Variants in SLIT3 observed in about 807,000 individuals in gnomAD.
SLIT3 encodes slit guidance ligand 3, also known as slit homolog 3 protein.
A neutral mutation model predicts 184.0 loss-of-function variants in SLIT3; 68 were observed. The ratio of observed to expected loss-of-function variants is 0.37; its 90% CI spans 0.30 to 0.45. The LOEUF (loss-of-function observed/expected upper bound fraction) is 0.45. Ranked by LOEUF, SLIT3 falls within the 20% of genes least tolerant of loss-of-function variation. The pLI, the probability that SLIT3 is intolerant of heterozygous loss-of-function variation, is 1.00. For synonymous variants in SLIT3, 831 were observed against 828.6 expected (o/e 1.00, Z -0.05); for missense variants, 1,707 against 2,026.0 (o/e 0.84, Z 3.02).
In SLIT3 at chr5:168,761,075, C is replaced by T. The variant is rs968684468; in HGVS notation, c.1611-139G>A. 4.3e-5 allele frequency: 29 copies of T among 674,540 alleles called. No homozygotes were observed. The Admixed American group carries it at 6.3e-4, about 15-fold the overall frequency. The allele number at this position is 674,540 out of a possible 1,614,324, so 41.8% of individuals were successfully genotyped here. ...AGCCATCGGAAGCTTTGACATCAGT[C>T]CCATCAACAGAGGGGCCCAGCAGTT... is the stretch of plus-strand genomic sequence containing the variant. On this transcript the variant is annotated intron_variant, in intron 15 of 35. Coordinates refer to ENST00000519560, the MANE Select transcript of SLIT3 (RefSeq NM_003062.4).
At chr5:169,274,014 C>T (rs1046422262) in intron 1 of SLIT3, among the ~76,000 whole-genome samples, 2 of 152,210 alleles carry the variant, frequency 1.3e-5, no homozygotes, top group African/African-American at 4.8e-5. Context: ...AAGGCAGAAT[C>T]CCTATCTTCA....
chr5:169,220,258 C>T (rs994699791), intron 3 of SLIT3, among the ~76,000 whole-genome samples: 1 of 150,724 alleles, frequency 6.6e-6, no homozygotes, highest in Admixed American at 6.6e-5. Flanking sequence ...ATACTAAAAT[C>T]AACTCACTTG....
At chr5:169,015,055 T>G (rs985427069) in intron 4 of SLIT3, among the ~76,000 whole-genome samples, 1 of 151,496 alleles carries the variant, frequency 6.6e-6, no homozygotes, top group Non-Finnish European at 1.5e-5. Context: ...TTGTCATTGA[T>G]AAGGGCTATC....
chr5:169,223,600 A>G (rs913259872), intron 3 of SLIT3, among the ~76,000 whole-genome samples: 2 of 152,222 alleles, frequency 1.3e-5, no homozygotes, highest in Non-Finnish European at 1.5e-5. Flanking sequence ...CCAAGTGCAA[A>G]GGCAGGGCTC....
chr5:169,007,886 C>T (rs749922132), intron 4 of SLIT3, among the ~76,000 whole-genome samples: 14 of 152,176 alleles, frequency 9.2e-5, no homozygotes, highest in Non-Finnish European at 1.8e-4. Context: ...ATTAATCTTC[C>T]CTGTGAATTT....
At chr5:169,234,528 T>C (rs1765125730) in intron 3 of SLIT3, among the ~76,000 whole-genome samples, 1 of 152,176 alleles carries the variant, frequency 6.6e-6, no homozygotes, top group South Asian at 2.1e-4. Flanking sequence ...AGCCTCAGCC[T>C]GAGTAGCTGG....
At chr5:168,715,831 CCTAT>C (rs770507506) in intron 23 of SLIT3, among the ~76,000 whole-genome samples, 2 of 151,868 alleles carry the variant, frequency 1.3e-5, no homozygotes, top group Non-Finnish European at 2.9e-5. Flanking sequence ...CACCACCAGG[CCTAT>C]CTAATTTTGT....
At chr5:169,292,040 G>A (rs931050682) in intron 1 of SLIT3, among the ~76,000 whole-genome samples, 9 of 152,160 alleles carry the variant, frequency 5.9e-5, no homozygotes, top group Admixed American at 3.3e-4. Context: ...TGTTGTTGTC[G>A]TTTACAGAGG....
chr5:169,019,370 C>G (rs1339749846), intron 4 of SLIT3, among the ~76,000 whole-genome samples: 3 of 152,198 alleles, frequency 2.0e-5, no homozygotes, highest in African/African-American at 7.2e-5. Flanking sequence ...CACCACAGCA[C>G]AAGTTGCTAG....
intron 4 of SLIT3, among the ~76,000 whole-genome samples, chr5:169,067,363 A>G (rs1230220155): frequency 1.3e-5 from 2 of 152,142 alleles, no homozygotes; most frequent in African/African-American, 4.8e-5. Flanking sequence ...CAGAGATCAC[A>G]CCATTGCACT....
chr5:168,919,566 A>G (rs551491435), intron 4 of SLIT3, among the ~76,000 whole-genome samples: 4 of 152,240 alleles, frequency 2.6e-5, no homozygotes, highest in African/African-American at 9.6e-5. Flanking sequence ...GCTTTTAATA[A>G]TGGCTACCTC....
intron 7 of SLIT3, 131 bp downstream of exon 7, chr5:168,823,129 G>T: frequency 1.2e-6 from 1 of 800,828 alleles, no homozygotes; most frequent in Non-Finnish European, 2.2e-6. Context: ...GTTAATAGCA[G>T]AAGGAGGAAT....
Position 168,671,065 on chromosome 5 carries a change from C to A in SLIT3, c.4127+133G>T, listed in dbSNP as rs780569690. 5 of 1,008,942 alleles carry A rather than the reference C, an allele frequency of 5.0e-6. No homozygotes were observed. In the African/African-American group the frequency reaches 8.0e-5, roughly 16 times the overall value. 62.5% of individuals were successfully genotyped at this position (1,008,942 alleles called of 1,614,324 possible). On this transcript the variant is annotated intron_variant, in intron 34 of 35. Transcript: ENST00000519560. ...AGCCTCTTGACCTCTTAAGCAGTTA[C>A]ACTTACACAGATCCTATCTGCGGTC...
chr5:169,204,608 G>A (rs1278063776), intron 3 of SLIT3, among the ~76,000 whole-genome samples: 1 of 152,170 alleles, frequency 6.6e-6, no homozygotes, highest in Non-Finnish European at 1.5e-5. Flanking sequence ...AGTGCAAAGG[G>A]ATGGCAGTGG....
intron 31 of SLIT3, 51 bp from the exon 32 acceptor site, chr5:168,684,147 CT>C: frequency 6.8e-7 from 1 of 1,465,000 alleles, no homozygotes; most frequent in South Asian, 1.5e-5. Context: ...GAGACTGAAC[CT>C]TCCCTGCCCA....
intron 5 of SLIT3, among the ~76,000 whole-genome samples, chr5:168,862,008 C>T (rs1365108008): frequency 1.3e-5 from 2 of 152,182 alleles, no homozygotes; most frequent in Admixed American, 6.5e-5. Flanking sequence ...AACTACAAGA[C>T]ACCAACACTG....
chr5:169,219,856 G>A (rs1764565003), intron 3 of SLIT3, among the ~76,000 whole-genome samples: 1 of 152,178 alleles, frequency 6.6e-6, no homozygotes, highest in South Asian at 2.1e-4. Flanking sequence ...TCCTTGAGTG[G>A]CTTTTCCTTC....
At chr5:169,094,986 G>A (rs1759726328) in intron 4 of SLIT3, among the ~76,000 whole-genome samples, 1 of 152,204 alleles carries the variant, frequency 6.6e-6, no homozygotes, top group Non-Finnish European at 1.5e-5. Flanking sequence ...GATGGCTCAT[G>A]ACTCACGGTC....
At chr5:169,020,338 T>C (rs893004949) in intron 4 of SLIT3, among the ~76,000 whole-genome samples, 3 of 152,136 alleles carry the variant, frequency 2.0e-5, no homozygotes, top group Non-Finnish European at 4.4e-5. Flanking sequence ...GGAGAGGAAA[T>C]TGGCCTGGCT....
Sources: allele counts gnomAD v4.1 joint callset (sites outside exome capture counted in the v4.1 genomes callset), GRCh38; gene constraint gnomAD v4.1.1; transcripts MANE v1.5; gene names NCBI Gene and HGNC (gene_info 2026-07-23, HGNC 2026-07-21).